The following KAT6B variants were observed in gnomAD, a reference collection of about 807,000 sequenced individuals.
KAT6B encodes lysine acetyltransferase 6B, also known as histone acetyltransferase KAT6B.
KAT6B carries 10 observed loss-of-function variants against 187.5 expected under a neutral mutation model. The observed-to-expected ratio is 0.05, with a 90% CI of 0.03 to 0.09. KAT6B has a LOEUF of 0.09. Among genes scored for constraint, KAT6B ranks in the 10% least tolerant of loss-of-function variants. The pLI is 1.00. For missense variants in KAT6B, 1,952 were observed against 2,558.9 expected (o/e 0.76, Z 5.12); for synonymous variants, 861 against 926.8 (o/e 0.93, Z 1.29).
At chr10:74,969,437 G>A (rs146900294) in intron 4 of KAT6B, among the ~76,000 whole-genome samples, 3 of 152,276 alleles carry the variant, frequency 2.0e-5, no homozygotes, top group Middle Eastern at 3.4e-3. Flanking sequence ...GTTCTCTTAG[G>A]GAAAACATTC....
chr10:74,915,829 G>T (rs1847634640), intron 3 of KAT6B, among the ~76,000 whole-genome samples: 1 of 152,170 alleles, frequency 6.6e-6, no homozygotes. Flanking sequence ...CCCTGGAGAT[G>T]ATTTAAAATT....
At chr10:74,893,026 T>C (rs1467884392) in intron 3 of KAT6B, among the ~76,000 whole-genome samples, 1 of 152,216 alleles carries the variant, frequency 6.6e-6, no homozygotes, top group East Asian at 1.9e-4. Flanking sequence ...TTGTCCTGCC[T>C]GCGAAGGCTG....
rs1221013179 is a variant in KAT6B, at chr10:74,886,441, C to G, written c.621+42963C>G. Reference sequence around the variant, plus strand: ...GAATTCTTGAAAATGCCGAGTTTGACTCACCAACCAGGAGTATCTAATGTA... The same window carrying G: ...GAATTCTTGAAAATGCCGAGTTTGAGTCACCAACCAGGAGTATCTAATGTA... On this transcript the variant is annotated intron_variant, in intron 3 of 17. Coordinates refer to ENST00000287239, the MANE Select transcript of KAT6B (RefSeq NM_012330.4). 2.0e-5 allele frequency among the ~76,000 whole-genome samples: 3 copies of G among 152,196 alleles called. No individual in the cohort carries two copies. The East Asian group carries it at 5.8e-4, about 29-fold the overall frequency.
rs544591486 is a variant in KAT6B, at chr10:75,031,010, C to G, written c.6186C>G (p.Ser2062=). The change falls in exon 18 of 18, where the codon TCC becomes TCG. Residue 2062 remains serine (S), a synonymous_variant. Coordinates refer to ENST00000287239, the MANE Select transcript of KAT6B (RefSeq NM_012330.4). The part of the protein sequence containing the change: ...GHHGYMNTGM[S]KQSLNGSYMR... The stretch of plus-strand genomic sequence containing the variant: ...ACGGCTACATGAACACAGGCATGTC[C>G]AAACAGTCTCTCAATGGCTCCTACA... 1.4e-5 allele frequency: 23 copies of G among 1,614,026 alleles called. No individual in the cohort carries two copies. The highest frequency in any genetic ancestry group is 1.6e-4 in the Middle Eastern group (1 of 6,084).
At chr10:74,842,049 T>C (rs991966698) in intron 2 of KAT6B, among the ~76,000 whole-genome samples, 42 of 152,240 alleles carry the variant, frequency 2.8e-4, no homozygotes, top group Admixed American at 1.8e-3. Flanking sequence ...TTTTCCAATT[T>C]GTGGGTTAGA....
Position 75,028,769 on chromosome 10 carries a change from G to A in KAT6B, c.3945G>A (p.Gly1315=). 3 of 1,614,112 alleles carry A rather than the reference G, an allele frequency of 1.9e-6. No individual in the cohort carries two copies. The highest frequency in any genetic ancestry group is 2.5e-6 in the Non-Finnish European group (3 of 1,180,038). The change falls in exon 18 of 18, where the codon GGG becomes GGA. Residue 1315 remains glycine (G), a synonymous_variant. Coordinates refer to ENST00000287239, the MANE Select transcript of KAT6B (RefSeq NM_012330.4). ...TTGAGGAGGAGGTCAAGGAAACTGGGGAAGCCCTGTTGCCTCAAGAGGAAA... is the reference window on the plus strand; with the variant it reads ...TTGAGGAGGAGGTCAAGGAAACTGGAGAAGCCCTGTTGCCTCAAGAGGAAA... ...IRIEEEVKET[G]EALLPQEENR... is the part of the protein sequence containing the mutation.
intron 13 of KAT6B, among the ~76,000 whole-genome samples, chr10:75,009,532 C>T (rs1844448769): frequency 6.6e-6 from 1 of 152,090 alleles, no homozygotes; most frequent in African/African-American, 2.4e-5. Context: ...AAAATTTAGC[C>T]AAACAGTGGA....
intron 3 of KAT6B, among the ~76,000 whole-genome samples, chr10:74,895,509 A>G (rs918811162): frequency 1.1e-4 from 17 of 152,056 alleles, no homozygotes; most frequent in Non-Finnish European, 2.9e-5. Context: ...AATTAATTCC[A>G]TAGTTTCACC....
chr10:74,855,667 G>A (rs2132227307), intron 3 of KAT6B, among the ~76,000 whole-genome samples: 1 of 152,262 alleles, frequency 6.6e-6, no homozygotes, highest in Middle Eastern at 3.4e-3. Context: ...CAGTGTGTGA[G>A]CAGACCTGGG....
intron 1 of KAT6B, chr10:74,827,066 GA>G (rs1840318064): frequency 6.7e-6 from 1 of 148,434 alleles, no homozygotes; most frequent in African/African-American, 2.5e-5. Flanking sequence ...GGGGTTCGGG[GA>G]GTCGGAAGGC....
chr10:74,942,540 C>T (rs915976401), intron 3 of KAT6B, among the ~76,000 whole-genome samples: 2 of 151,780 alleles, frequency 1.3e-5, no homozygotes, highest in African/African-American at 2.4e-5. Context: ...CGGAGGCAAG[C>T]AGATCACCTG....
At chr10:74,827,489 G>A (rs1939829084) in intron 1 of KAT6B, among the ~76,000 whole-genome samples, 1 of 151,992 alleles carries the variant, frequency 6.6e-6, no homozygotes, top group Admixed American at 6.6e-5. Context: ...TAAGAAGGAG[G>A]TTTGCTAGCT....
intron 13 of KAT6B, among the ~76,000 whole-genome samples, chr10:74,999,243 G>T (rs930861727): frequency 1.3e-5 from 2 of 152,218 alleles, no homozygotes; most frequent in African/African-American, 4.8e-5. Flanking sequence ...GGTATTTATT[G>T]AATGCATAAC....
chr10:74,889,286 A>G (rs1425515045), intron 3 of KAT6B, among the ~76,000 whole-genome samples: 1 of 152,230 alleles, frequency 6.6e-6, no homozygotes, highest in African/African-American at 2.4e-5. Context: ...ATAATTTTAG[A>G]CAAGATAAGG....
Position 75,021,285 on chromosome 10 carries a change from G to C in KAT6B, c.3021G>C (p.Glu1007Asp). Reference protein sequence around the residue: ...VSEEEREAEKEAERLMEQASC... With the variant: ...VSEEEREAEKDAERLMEQASC... ...AAGAAGAGCGAGAAGCTGAGAAAGA[G>C]GTAATGATTGTCTTTATCATCCTAA... Residue 1007 changes from glutamate (E) to aspartate (D), a missense_variant and splice_region_variant, in exon 15 of 18, where the codon GAG (glutamate) becomes GAC (aspartate). Transcript: ENST00000287239. 1 of 1,613,834 alleles carries C rather than the reference G, an allele frequency of 6.2e-7. No homozygotes were observed. Among genetic ancestry groups the C allele is most frequent in the Non-Finnish European group, 8.5e-7 (1 of 1,179,786 alleles).
In KAT6B at chr10:74,972,589, A is replaced by T. The variant is rs927389645; in HGVS notation, c.1011A>T (p.Arg337=). 5.0e-6 allele frequency: 8 copies of T among 1,613,336 alleles called. No homozygotes were observed. In the Admixed American group the frequency reaches 1.2e-4, roughly 24 times the overall value. ...LHEKAAQIKR[R]YAKPIGRPKN... is the part of the protein sequence containing the mutation. ...AGAAAGCTGCACAAATAAAACGACGATATGCAAAACCCATTGGACGACCGA... is the reference window on the plus strand; with the variant it reads ...AGAAAGCTGCACAAATAAAACGACGTTATGCAAAACCCATTGGACGACCGA... The change falls in exon 7 of 18, where the codon CGA becomes CGT. Residue 337 remains arginine, a synonymous_variant. Coordinates refer to ENST00000287239, the MANE Select transcript of KAT6B (RefSeq NM_012330.4).
intron 3 of KAT6B, among the ~76,000 whole-genome samples, chr10:74,945,751 C>T (rs1839905923): frequency 1.3e-5 from 2 of 152,088 alleles, no homozygotes; most frequent in African/African-American, 4.8e-5. Context: ...TGCCCGCCGG[C>T]CTGCCCAAAC....
intron 3 of KAT6B, among the ~76,000 whole-genome samples, chr10:74,884,463 G>T (rs1038575498): frequency 6.6e-6 from 1 of 152,184 alleles, no homozygotes; most frequent in African/African-American, 2.4e-5. Flanking sequence ...TTATCAGTGA[G>T]AGTGTTTCCT....
intron 3 of KAT6B, among the ~76,000 whole-genome samples, chr10:74,897,214 C>T (rs1042156581): frequency 6.6e-6 from 1 of 152,138 alleles, no homozygotes; most frequent in African/African-American, 2.4e-5. Context: ...TTATTATAAT[C>T]CTGAGCCTAA....
Sources: gnomAD v4.1 joint callset for allele counts (sites outside exome capture counted in the v4.1 genomes callset) on GRCh38, gnomAD v4.1.1 for gene constraint, MANE v1.5 for transcripts, NCBI Gene and HGNC (gene_info 2026-07-23, HGNC 2026-07-21) for gene names.